Variants in NHSL1 observed in about 807,000 individuals in gnomAD.
NHSL1 encodes the protein NHS-like protein 1.
A neutral mutation model predicts 95.0 loss-of-function variants in NHSL1; 48 were observed. That is an observed-to-expected ratio of 0.51 (90% CI 0.40 to 0.64). The LOEUF (loss-of-function observed/expected upper bound fraction) is 0.64. Ranked by LOEUF, NHSL1 falls within the 30% of genes least tolerant of loss-of-function variation. The pLI is 0.00. For synonymous variants in NHSL1, 783 were observed against 833.9 expected (o/e 0.94, Z 1.05); for missense variants, 1,971 against 2,077.7 (o/e 0.95, Z 1.00).
exon 1 of NHSL1, chr6:138,571,732 T>C: frequency 6.4e-7 from 1 of 1,552,274 alleles, no homozygotes; most frequent in Non-Finnish European, 8.7e-7. Context: ...GGGCTCTGTA[T>C]ATCCAGTTTT....
chr6:138,673,906 C>CT (rs1785413960), intron 1 of NHSL1, among the ~76,000 whole-genome samples: 1 of 152,194 alleles, frequency 6.6e-6, no homozygotes, highest in African/African-American at 2.4e-5. Context: ...GTGGGAAGGG[C>CT]TTTTAATGGT....
intron 3 of NHSL1, among the ~76,000 whole-genome samples, chr6:138,457,074 T>C (rs1583211131): frequency 6.6e-6 from 1 of 152,048 alleles, no homozygotes; most frequent in Non-Finnish European, 1.5e-5. Flanking sequence ...AGAGACAGGG[T>C]TTCACCATGT....
chr6:138,505,343 T>G (rs1279314043), intron 1 of NHSL1, among the ~76,000 whole-genome samples: 1 of 152,174 alleles, frequency 6.6e-6, no homozygotes, highest in African/African-American at 2.4e-5. Flanking sequence ...AGATAAAATT[T>G]GAATCTTTGA....
chr6:138,530,268 G>A (rs1782078812), intron 1 of NHSL1, among the ~76,000 whole-genome samples: 1 of 152,128 alleles, frequency 6.6e-6, no homozygotes, highest in African/African-American at 2.4e-5. Context: ...CCTTACTCTT[G>A]CAAGAATGAC....
At chr6:138,605,370 C>T (rs1424870579) in intron 1 of NHSL1, among the ~76,000 whole-genome samples, 2 of 152,170 alleles carry the variant, frequency 1.3e-5, no homozygotes, top group Non-Finnish European at 2.9e-5. Flanking sequence ...GGACAACAGG[C>T]GTGCGCCAAC....
intron 1 of NHSL1, among the ~76,000 whole-genome samples, chr6:138,577,911 A>G (rs2114477044): frequency 6.6e-6 from 1 of 152,354 alleles, no homozygotes. Flanking sequence ...TCCCCATAGT[A>G]CATTAAATCC....
At chr6:138,559,121 T>C (rs1397125797) in intron 1 of NHSL1, among the ~76,000 whole-genome samples, 1 of 152,188 alleles carries the variant, frequency 6.6e-6, no homozygotes, top group Non-Finnish European at 1.5e-5. Flanking sequence ...ATAGGATCTC[T>C]GCTACATACA....
At chr6:138,691,162 C>T (rs1441151823) in intron 1 of NHSL1, among the ~76,000 whole-genome samples, 2 of 152,200 alleles carry the variant, frequency 1.3e-5, no homozygotes, top group African/African-American at 4.8e-5. Flanking sequence ...TCATCACTCA[C>T]ATTAAGTAGA....
chr6:138,501,720 T>G (rs189398907), upstream of NHSL1, among the ~76,000 whole-genome samples: 229 of 152,334 alleles, frequency 1.5e-3, 2 homozygotes, highest in South Asian at 0.018. Flanking sequence ...TGATATAAAG[T>G]GGCCGCAGTT....
intron 1 of NHSL1, among the ~76,000 whole-genome samples, chr6:138,565,832 A>G (rs141643643): frequency 4.2e-4 from 63 of 151,760 alleles, no homozygotes; most frequent in African/African-American, 1.4e-3. Context: ...AGTCCTAGCT[A>G]CTCAGGAGGC....
At position 138,607,651 on chromosome 6, in the gene NHSL1, A is replaced by C. The variant is rs894115948; in HGVS notation, c.96+84825T>G. Among the ~76,000 whole-genome samples the C allele has an allele frequency of 4.6e-5, 7 of 152,326 alleles. No individual in the cohort carries two copies. The East Asian group carries it at 1.2e-3, about 25-fold the overall frequency. On this transcript the variant is annotated intron_variant, in intron 1 of 3. Transcript: ENST00000491526. ...TACATGGAACAAAAGCAAGAACAAAAGCTGTGGCCAATGCCTCATACATGC... is the reference window on the plus strand; with the variant it reads ...TACATGGAACAAAAGCAAGAACAAACGCTGTGGCCAATGCCTCATACATGC...
At chr6:138,590,292 C>G (rs909550633) in intron 1 of NHSL1, among the ~76,000 whole-genome samples, 1 of 152,236 alleles carries the variant, frequency 6.6e-6, no homozygotes, top group Non-Finnish European at 1.5e-5. Flanking sequence ...GCCACTGCGC[C>G]CGGCCTACTC....
intron 1 of NHSL1, among the ~76,000 whole-genome samples, chr6:138,636,777 A>G (rs1784894005): frequency 6.6e-6 from 1 of 152,232 alleles, no homozygotes; most frequent in Admixed American, 6.5e-5. Context: ...AAAAAAATGG[A>G]AAAATATTCC....
intron 1 of NHSL1, among the ~76,000 whole-genome samples, chr6:138,637,881 A>G (rs1784907550): frequency 1.3e-5 from 2 of 152,218 alleles, no homozygotes; most frequent in African/African-American, 4.8e-5. Context: ...CTAGGTATAT[A>G]CCCAAAATAA....
chr6:138,523,637 A>C (rs7382125), intron 1 of NHSL1, among the ~76,000 whole-genome samples: 3,190 of 138,496 alleles, frequency 0.023, 319 homozygotes, highest in Admixed American at 0.16. Context: ...GAAAAAAAAA[A>C]AAAAAAAAAA....
chr6:138,523,484 C>G (rs568474746), intron 1 of NHSL1, among the ~76,000 whole-genome samples: 7 of 151,700 alleles, frequency 4.6e-5, no homozygotes, highest in Non-Finnish European at 1.5e-5. Context: ...ACTGTTTAAA[C>G]TTTTTGTCGA....
chr6:138,473,662 T>C (rs1269859815), intron 2 of NHSL1, among the ~76,000 whole-genome samples: 1 of 152,192 alleles, frequency 6.6e-6, no homozygotes, highest in East Asian at 1.9e-4. Flanking sequence ...GATAAGATTG[T>C]ATTCAGAGAT....
intron 1 of NHSL1, among the ~76,000 whole-genome samples, chr6:138,523,626 G>GGA (rs1781773863): frequency 2.3e-5 from 1 of 43,126 alleles, no homozygotes; most frequent in Non-Finnish European, 5.0e-5. Context: ...GTTTTAAAGA[G>GGA]GAAAAAAAAA....
At chr6:138,570,363 A>ACC in intron 1 of NHSL1, among the ~76,000 whole-genome samples, 1 of 152,334 alleles carries the variant, frequency 6.6e-6, no homozygotes, top group South Asian at 2.1e-4. Context: ...ATTTACCAAA[A>ACC]CCACAGCTTA....
Sources: allele counts gnomAD v4.1 joint callset (sites outside exome capture counted in the v4.1 genomes callset), GRCh38; gene constraint gnomAD v4.1.1; transcripts MANE v1.5; gene names NCBI Gene and HGNC (gene_info 2026-07-23, HGNC 2026-07-21).